Variants in WDFY3 observed in about 807,000 individuals in gnomAD.
WDFY3 encodes the protein WD repeat and FYVE domain-containing protein 3.
A neutral mutation model predicts 409.6 loss-of-function variants in WDFY3; 66 were observed. The observed-to-expected ratio is 0.16, with a 90% CI of 0.13 to 0.20. WDFY3 has a LOEUF of 0.20. Ranked by LOEUF, WDFY3 falls within the 10% of genes least tolerant of loss-of-function variation. The pLI is 1.00. For synonymous variants in WDFY3, 1,521 were observed against 1,537.1 expected (o/e 0.99, Z 0.25); for missense variants, 3,031 against 4,298.1 (o/e 0.71, Z 8.24).
intron 7 of WDFY3, among the ~76,000 whole-genome samples, chr4:84,832,810 T>C (rs1322232989): frequency 6.6e-6 from 1 of 152,168 alleles, no homozygotes; most frequent in Non-Finnish European, 1.5e-5. Flanking sequence ...TAAAATAGCA[T>C]TGCTTTTCCA....
At chr4:84,827,305 C>T (rs777672498) in intron 9 of WDFY3, among the ~76,000 whole-genome samples, 7 of 152,038 alleles carry the variant, frequency 4.6e-5, no homozygotes, top group African/African-American at 7.2e-5. Flanking sequence ...GCCTCACAAA[C>T]ACATTTAACA....
intron 2 of WDFY3, among the ~76,000 whole-genome samples, chr4:84,915,906 C>G (rs940000217): frequency 1.3e-5 from 2 of 152,142 alleles, no homozygotes; most frequent in African/African-American, 4.8e-5. Context: ...AATTACTTAC[C>G]ATGTTGTTTT....
chr4:84,786,035 C>A lies in WDFY3; in HGVS notation c.4006G>T (p.Val1336Leu). ...LYALSVSSLT[V>L]ARIRKVYNKL... ...TTATACACTTTCCGGATTCTTGCCA[C>A]TGTTAGAGACGACACAGAGAGTGCA... Residue 1336 changes from valine (V) to leucine (L), a missense_variant, in exon 24 of 68, where the codon GTG becomes TTG. Physicochemically the swap from Val to Leu is conservative, Grantham distance 32. Around this residue, in one of 16 missense-constraint regions of WDFY3, gnomAD observed 1,322 missense variants for 1,697.9 expected, o/e 0.78. Coordinates refer to ENST00000295888, the MANE Select transcript of WDFY3 (RefSeq NM_014991.6). The A allele has an allele frequency of 6.2e-7, 1 of 1,614,024 alleles. No homozygotes were observed. Among genetic ancestry groups the A allele is most frequent in the Non-Finnish European group, 8.5e-7 (1 of 1,179,952 alleles).
rs748978919 is a variant in WDFY3, at chr4:84,785,980, T to C, written c.4061A>G (p.Gln1354Arg). The C allele has an allele frequency of 4.3e-6, 7 of 1,613,692 alleles. No individual in the cohort carries two copies. Among genetic ancestry groups the C allele is most frequent in the African/African-American group, 4.0e-5 (3 of 74,898 alleles). ...ACACCAAGAAATCATTCTGCTTACC[T>C]GCTTAGCAATGGCTTTGCTATCCAA... ...NKLDSKAIAK[Q>R]LGISSHENAT... The change falls in exon 24 of 68, where the codon CAG (glutamine) becomes CGG (arginine). Residue 1354 changes from glutamine to arginine, a missense_variant and splice_region_variant. This residue lies in a region of WDFY3 where 1,322 missense variants were observed against 1,697.9 expected (regional missense o/e 0.78). Coordinates refer to ENST00000295888, the MANE Select transcript of WDFY3 (RefSeq NM_014991.6).
At chr4:84,931,695 G>A (rs1314244018) in intron 2 of WDFY3, among the ~76,000 whole-genome samples, 1 of 152,058 alleles carries the variant, frequency 6.6e-6, no homozygotes, top group East Asian at 1.9e-4. Flanking sequence ...AATCAACAGA[G>A]AAACAACATG....
intron 2 of WDFY3, among the ~76,000 whole-genome samples, chr4:84,923,271 C>G (rs1019806962): frequency 8.5e-5 from 13 of 152,158 alleles, no homozygotes; most frequent in African/African-American, 2.2e-4. Flanking sequence ...AAACAGCATT[C>G]TTATCATCAA....
intron 1 of WDFY3, among the ~76,000 whole-genome samples, chr4:84,946,942 G>C (rs1772921971): frequency 6.6e-6 from 1 of 151,608 alleles, no homozygotes; most frequent in African/African-American, 2.4e-5. Context: ...TAGTAGCTAG[G>C]ACTACAGGCA....
rs201992360 is a variant in WDFY3, at chr4:84,821,240, T to C, written c.1435A>G (p.Ser479Gly). Residue 479 changes from serine (S) to glycine (G), a missense_variant, in exon 11 of 68, where the codon AGC becomes GGC. Transcript: ENST00000295888. ...LLKSSSSYHC[S>G]IIAMKTLLKF... ...AGAAGTGTTTTCATTGCAATAATGC[T>C]ACAGTGATAAGAAGAGCTAGATTTT... The C allele has an allele frequency of 1.3e-4, 217 of 1,613,650 alleles. No individual in the cohort carries two copies. The highest frequency in any genetic ancestry group is 1.6e-4 in the Middle Eastern group (1 of 6,078).
At chr4:84,930,397 T>C (rs1770607670) in intron 2 of WDFY3, among the ~76,000 whole-genome samples, 1 of 152,176 alleles carries the variant, frequency 6.6e-6, no homozygotes, top group Admixed American at 6.6e-5. Flanking sequence ...AATAATGATG[T>C]GCCAGGAACA....
At chr4:84,683,803 G>T in intron 63 of WDFY3, 140 bp downstream of exon 63, 1 of 822,836 alleles carries the variant, frequency 1.2e-6, no homozygotes, top group Non-Finnish European at 1.8e-6. Context: ...TAACGCAGAG[G>T]CCAAGGCCTG....
chr4:84,697,372 T>C (rs1490038602), intron 56 of WDFY3, among the ~76,000 whole-genome samples: 8 of 152,224 alleles, frequency 5.3e-5, no homozygotes, highest in Admixed American at 2.0e-4. Context: ...AGCATTCTCA[T>C]TTAAAAAGCA....
chr4:84,927,468 T>C (rs755110445), intron 2 of WDFY3, among the ~76,000 whole-genome samples: 10 of 152,142 alleles, frequency 6.6e-5, no homozygotes, highest in Non-Finnish European at 1.3e-4. Flanking sequence ...CCAAATATGA[T>C]GGTGGTTGAT....
At chr4:84,708,086 T>C (rs767765602) in intron 53 of WDFY3, among the ~76,000 whole-genome samples, 20 of 152,220 alleles carry the variant, frequency 1.3e-4, no homozygotes, top group Non-Finnish European at 2.5e-4. Context: ...TTATGGTTCA[T>C]TTCTGAACTA....
intron 30 of WDFY3, among the ~76,000 whole-genome samples, chr4:84,768,568 G>C (rs999867690): frequency 6.6e-6 from 1 of 152,162 alleles, no homozygotes; most frequent in Admixed American, 6.5e-5. Flanking sequence ...TCTGCTTACA[G>C]TACGGTTTAC....
chr4:84,703,922 C>T (rs1204992644), intron 55 of WDFY3, among the ~76,000 whole-genome samples: 3 of 152,184 alleles, frequency 2.0e-5, no homozygotes, highest in Admixed American at 1.3e-4. Context: ...TAATTGAAGT[C>T]CTCCCAAGTA....
At chr4:84,678,121 CA>C (rs751593708) in intron 66 of WDFY3, 46 bp downstream of exon 66, 1 of 1,493,558 alleles carries the variant, frequency 6.7e-7, no homozygotes, top group African/African-American at 1.4e-5. Flanking sequence ...CTTGGCTAAC[CA>C]AATGACTCAG....
chr4:84,810,023 A>G lies in WDFY3; in HGVS notation c.2209T>C (p.Phe737Leu). 6.2e-7 allele frequency: 1 copy of G among 1,614,218 alleles called. No homozygotes were observed. The highest frequency in any genetic ancestry group is 8.5e-7 in the Non-Finnish European group (1 of 1,180,012). ...TGAAATGGCTGTGTATTTGAGGGGAAGACATTCATGGCGCTTATTTTTCTT... is the reference window on the plus strand; with the variant it reads ...TGAAATGGCTGTGTATTTGAGGGGAGGACATTCATGGCGCTTATTTTTCTT... Reference protein sequence around the residue: ...DLRKISAMNVFPSNTQPFQRL... With the variant: ...DLRKISAMNVLPSNTQPFQRL... Residue 737 changes from phenylalanine to leucine, a missense_variant, in exon 14 of 68, where the codon TTC becomes CTC. By Grantham distance (22) the Phe-to-Leu change is conservative. Around this residue, in one of 16 missense-constraint regions of WDFY3, gnomAD observed 1,322 missense variants for 1,697.9 expected, o/e 0.78. Transcript: ENST00000295888.
At chr4:84,876,701 A>G (rs1313331518) in intron 3 of WDFY3, among the ~76,000 whole-genome samples, 1 of 152,108 alleles carries the variant, frequency 6.6e-6, no homozygotes, top group African/African-American at 2.4e-5. Flanking sequence ...AAAAAAACTT[A>G]CATAGAGTTA....
intron 44 of WDFY3, among the ~76,000 whole-genome samples, chr4:84,732,577 C>T (rs907622821): frequency 1.3e-5 from 2 of 152,208 alleles, no homozygotes; most frequent in East Asian, 3.9e-4. Flanking sequence ...TACTCTGTTT[C>T]TGAGTTTGAT....
Sources: allele counts gnomAD v4.1 joint callset (sites outside exome capture counted in the v4.1 genomes callset), GRCh38; gene constraint gnomAD v4.1.1; regional missense constraint gnomAD v4.1.1; transcripts MANE v1.5; gene names NCBI Gene and HGNC (gene_info 2026-07-23, HGNC 2026-07-21).